DMD: variants seen among roughly 807,000 people sequenced by gnomAD.
DMD encodes the protein mutant dystrophin.
Under a neutral mutation model 330.1 loss-of-function variants are expected in DMD, and 63 were observed. The observed-to-expected ratio is 0.19, with a 90% confidence interval of 0.16 to 0.24. The LOEUF (loss-of-function observed/expected upper bound fraction) is 0.24, where lower values mean the gene tolerates loss of function less well. Ranked by LOEUF, DMD falls within the 10% of genes least tolerant of loss-of-function variation. The pLI is 1.00. For missense variants in DMD, 3,344 were observed against 2,684.1 expected (o/e 1.25, Z -5.43); for synonymous variants, 1,223 against 959.8 (o/e 1.27, Z -5.07).
intron 47 of DMD, among the ~76,000 whole-genome samples, chrX:31,903,882 A>G (rs1474271593): frequency 8.9e-6 from 1 of 112,053 alleles, no homozygotes; most frequent in African/African-American, 3.2e-5. Flanking sequence ...CGTCAAAGAT[A>G]TCTTTAGATT....
intron 44 of DMD, among the ~76,000 whole-genome samples, chrX:32,052,822 C>A (rs188957321): frequency 3.6e-4 from 40 of 111,181 alleles, no homozygotes; most frequent in African/African-American, 1.3e-3. Context: ...ATCTGCAGTA[C>A]CTTGAGCAGC....
intron 44 of DMD, among the ~76,000 whole-genome samples, chrX:32,119,757 C>T (rs150971688): frequency 8.9e-6 from 1 of 112,169 alleles, no homozygotes. Flanking sequence ...CAGAAACTTA[C>T]TTTTGTCTTA....
chrX:31,921,396 T>C (rs1025991757), intron 47 of DMD, among the ~76,000 whole-genome samples: 6 of 111,527 alleles, frequency 5.4e-5, no homozygotes, highest in African/African-American at 2.0e-4. Flanking sequence ...AGGAGAGCAG[T>C]GGCTGAAAAT....
chrX:32,601,142 T>G (rs1049575691), intron 12 of DMD, among the ~76,000 whole-genome samples: 1 of 111,412 alleles, frequency 9.0e-6, no homozygotes, highest in Admixed American at 9.6e-5. Context: ...TGATATGATC[T>G]GGAAAGGACT....
rs909379845 is a variant in DMD at position 33,124,879 on chromosome X, C to T, written c.31+86403G>A. ...GTCTCTCCTAAAAATACAAAATTAG[C>T]TTGGTGTGGTGGTGCATGCCTGTAA... On this transcript the variant is annotated intron_variant, in intron 1 of 78. Coordinates refer to ENST00000357033, the MANE Select transcript of DMD (RefSeq NM_004006.3). 1.0e-4 allele frequency among the ~76,000 whole-genome samples: 11 copies of T among 108,414 alleles called. No individual in the cohort carries two copies. In the South Asian group the frequency reaches 1.2e-3, roughly 12 times the overall value. 94.1% of individuals were successfully genotyped at this position (108,414 alleles called of 115,157 possible).
chrX:32,362,370 G>A (rs757433182), intron 37 of DMD, among the ~76,000 whole-genome samples: 4 of 111,835 alleles, frequency 3.6e-5, no homozygotes, highest in Non-Finnish European at 7.5e-5. Context: ...AAGCAATATT[G>A]TATCAGTACT....
chrX:33,078,624 G>A (rs1276145498), intron 1 of DMD, among the ~76,000 whole-genome samples: 2 of 111,617 alleles, frequency 1.8e-5, no homozygotes, highest in African/African-American at 3.3e-5. Flanking sequence ...TATTCCAAGA[G>A]CATAATTTTT....
At chrX:33,004,629 T>C (rs1056202842) in intron 2 of DMD, among the ~76,000 whole-genome samples, 2 of 111,474 alleles carry the variant, frequency 1.8e-5, no homozygotes, top group East Asian at 2.8e-4. Flanking sequence ...GTGTATTTTT[T>C]TATAAAAAGT....
rs575297052 is a variant in DMD, at chrX:32,168,957, T to C, written c.6438+47959A>G. ...TTTTATTATCCCTGCTTTAGCTACC[T>C]TGTCACTCAAATAAACTGTGTAATT... On this transcript the variant is annotated intron_variant, in intron 44 of 78. Transcript: ENST00000357033. Among the ~76,000 whole-genome samples the C allele has an allele frequency of 2.0e-4, 22 of 112,214 alleles. No homozygotes were observed. In the South Asian group the frequency reaches 5.5e-3, roughly 28 times the overall value.
At chrX:31,563,371 T>C (rs957597466) in intron 55 of DMD, among the ~76,000 whole-genome samples, 1 of 112,281 alleles carries the variant, frequency 8.9e-6, no homozygotes, top group Non-Finnish European at 1.9e-5. Flanking sequence ...CCAAAAACAA[T>C]CTGATCTGCT....
intron 29 of DMD, among the ~76,000 whole-genome samples, chrX:32,422,397 G>C (rs1234277170): frequency 2.7e-5 from 3 of 111,487 alleles, no homozygotes; most frequent in Non-Finnish European, 5.6e-5. Context: ...GTGTAATTTT[G>C]GTGATGAGCT....
intron 47 of DMD, among the ~76,000 whole-genome samples, chrX:31,884,029 C>G (rs1490457885): frequency 4.5e-5 from 5 of 111,242 alleles, no homozygotes; most frequent in Non-Finnish European, 7.6e-5. Flanking sequence ...AAAGAGAACC[C>G]TTGTACAATG....
chrX:32,072,182 T>C (rs2096305288), intron 44 of DMD, among the ~76,000 whole-genome samples: 1 of 111,393 alleles, frequency 9.0e-6, no homozygotes, highest in Non-Finnish European at 1.9e-5. Context: ...TCTTGAGCGG[T>C]TGGGTGCTGA....
rs1352069437 is a variant in DMD at position 32,879,021 on chromosome X, A to AAAAAAAAAAAAAC, written c.94-29202_94-29201insGTTTTTTTTTTTT. On this transcript the variant is annotated intron_variant, in intron 2 of 78. Transcript: ENST00000357033. ...AGACTACGTCTCAAAAAAAAAACAA[A>AAAAAAAAAAAAAC]AAACAAAAAACAAACAAAAAAAAAA... Among the ~76,000 whole-genome samples, 11 of 101,790 alleles carry AAAAAAAAAAAAAC rather than the reference A, an allele frequency of 1.1e-4. 1 individual carries two copies. In the East Asian group the frequency reaches 1.6e-3, roughly 15 times the overall value. The allele number at this position is 101,790 out of a possible 115,157, so 88.4% of individuals were successfully genotyped here.
intron 64 of DMD, among the ~76,000 whole-genome samples, chrX:31,219,462 A>C (rs1418951328): frequency 9.0e-6 from 1 of 110,951 alleles, no homozygotes; most frequent in Non-Finnish European, 1.9e-5. Context: ...CCTGCTGTTA[A>C]CTGCGTTGCA....
At chrX:33,337,809 A>G (rs941296336) in intron 1 of DMD, among the ~76,000 whole-genome samples, 4 of 112,091 alleles carry the variant, frequency 3.6e-5, no homozygotes, top group African/African-American at 9.7e-5. Context: ...ATTGAAAACC[A>G]TGGACTAACA....
At chrX:31,202,453 C>T (rs895510284) in intron 67 of DMD, among the ~76,000 whole-genome samples, 1 of 111,773 alleles carries the variant, frequency 8.9e-6, no homozygotes, top group African/African-American at 3.3e-5. Flanking sequence ...ACTAATTTGC[C>T]ATAATTTTGG....
At chrX:32,500,154 G>A (rs1046254953) in intron 19 of DMD, among the ~76,000 whole-genome samples, 4 of 110,509 alleles carry the variant, frequency 3.6e-5, no homozygotes, top group African/African-American at 1.3e-4. Context: ...GTGTTCCCTG[G>A]TATCTGCCAA....
At chrX:32,326,589 C>T (rs2097651891) in intron 41 of DMD, among the ~76,000 whole-genome samples, 1 of 112,073 alleles carries the variant, frequency 8.9e-6, no homozygotes, top group East Asian at 2.8e-4. Flanking sequence ...GTATTAAACA[C>T]TTTTGCACAT....
Sources: allele counts gnomAD v4.1 joint callset (sites outside exome capture counted in the v4.1 genomes callset), GRCh38; gene constraint gnomAD v4.1.1; transcripts MANE v1.5; gene names NCBI Gene and HGNC (gene_info 2026-07-23, HGNC 2026-07-21).